The following DYNC1I1 variants were observed in gnomAD, a reference collection of about 807,000 sequenced individuals.
DYNC1I1 encodes the protein cytoplasmic dynein 1 intermediate chain 1.
Under a neutral mutation model 86.6 loss-of-function variants are expected in DYNC1I1, and 43 were observed. The observed-to-expected ratio is 0.50, with a 90% CI of 0.39 to 0.64. The LOEUF is 0.64. Ranked by LOEUF, DYNC1I1 falls within the 30% of genes least tolerant of loss-of-function variation. The pLI is 0.00. For synonymous variants in DYNC1I1, 262 were observed against 283.7 expected (o/e 0.92, Z 0.77); for missense variants, 604 against 788.8 (o/e 0.77, Z 2.81).
intron 14 of DYNC1I1, among the ~76,000 whole-genome samples, chr7:96,067,870 A>G (rs1238783407): frequency 6.6e-6 from 1 of 152,162 alleles, no homozygotes; most frequent in African/African-American, 2.4e-5. Flanking sequence ...AATGTTGCAG[A>G]GAGAGCATAC....
chr7:95,780,950 T>C (rs1313603983), intron 1 of DYNC1I1, among the ~76,000 whole-genome samples: 1 of 151,974 alleles, frequency 6.6e-6, no homozygotes, highest in African/African-American at 2.4e-5. Flanking sequence ...AGTATCAATA[T>C]AGCAAGAGGT....
intron 6 of DYNC1I1, among the ~76,000 whole-genome samples, chr7:95,936,990 A>ACACACACACACACACACAC (rs1562949165): frequency 4.0e-5 from 6 of 151,750 alleles, no homozygotes; most frequent in Admixed American, 6.6e-5. Context: ...ACACACACAC[A>ACACACACACACACACACAC]AATACTATTC....
At chr7:95,805,662 A>G (rs1390268361) in intron 2 of DYNC1I1, among the ~76,000 whole-genome samples, 2 of 152,172 alleles carry the variant, frequency 1.3e-5, no homozygotes, top group Non-Finnish European at 2.9e-5. Context: ...TTTATTTTTA[A>G]TTCTCTAATT....
chr7:95,993,797 A>T (rs914321422), intron 9 of DYNC1I1, among the ~76,000 whole-genome samples: 15 of 152,226 alleles, frequency 9.9e-5, no homozygotes, highest in Admixed American at 5.2e-4. Flanking sequence ...TCTGTGTTCA[A>T]ATTCATAAAG....
At chr7:95,859,699 T>C (rs888482083) in intron 5 of DYNC1I1, among the ~76,000 whole-genome samples, 3 of 152,226 alleles carry the variant, frequency 2.0e-5, no homozygotes, top group Non-Finnish European at 4.4e-5. Flanking sequence ...GTCTGCATGA[T>C]AGTGGTGTGA....
chr7:96,031,386 A>G (rs972958101), intron 11 of DYNC1I1, among the ~76,000 whole-genome samples: 28 of 152,112 alleles, frequency 1.8e-4, no homozygotes, highest in Admixed American at 1.8e-3. Context: ...AATATTCAAA[A>G]AGCTGTACTG....
intron 14 of DYNC1I1, among the ~76,000 whole-genome samples, chr7:96,048,384 A>G (rs1789284629): frequency 6.6e-6 from 1 of 152,180 alleles, no homozygotes; most frequent in Non-Finnish European, 1.5e-5. Flanking sequence ...TGGGAGATGC[A>G]CCACTTCTTT....
At chr7:95,792,228 C>T (rs1476825570) in intron 1 of DYNC1I1, among the ~76,000 whole-genome samples, 1 of 152,132 alleles carries the variant, frequency 6.6e-6, no homozygotes, top group African/African-American at 2.4e-5. Context: ...GAACTACGTG[C>T]AGGGTACTCT....
intron 6 of DYNC1I1, among the ~76,000 whole-genome samples, chr7:95,912,582 T>C (rs1791366380): frequency 6.6e-6 from 1 of 152,216 alleles, no homozygotes; most frequent in Admixed American, 6.5e-5. Flanking sequence ...GTGCAGGTTC[T>C]CCTGCCAGAA....
At chr7:95,964,974 A>G (rs1017537349) in intron 6 of DYNC1I1, among the ~76,000 whole-genome samples, 6 of 152,190 alleles carry the variant, frequency 3.9e-5, no homozygotes, top group Admixed American at 3.9e-4. Context: ...AGAGTCAGCA[A>G]ACCAAAGAGT....
At chr7:96,009,955 T>A (rs1794234455) in intron 10 of DYNC1I1, among the ~76,000 whole-genome samples, 1 of 152,018 alleles carries the variant, frequency 6.6e-6, no homozygotes, top group African/African-American at 2.4e-5. Context: ...AATTTTGTAT[T>A]TTTAGTAAAG....
At chr7:96,076,267 C>T in intron 15 of DYNC1I1, 70 bp downstream of exon 15, 2 of 1,569,186 alleles carry the variant, frequency 1.3e-6, no homozygotes, top group Middle Eastern at 1.7e-4. Flanking sequence ...CGCAGTCTCT[C>T]CCTCTTTCTC....
At chr7:96,026,640 A>G (rs1794690324) in intron 10 of DYNC1I1, among the ~76,000 whole-genome samples, 1 of 152,106 alleles carries the variant, frequency 6.6e-6, no homozygotes, top group Non-Finnish European at 1.5e-5. Flanking sequence ...TTCCCAACCA[A>G]AAAAGACTAT....
chr7:95,861,773 G>A (rs1388678444), intron 5 of DYNC1I1, among the ~76,000 whole-genome samples: 3 of 152,226 alleles, frequency 2.0e-5, no homozygotes, highest in Non-Finnish European at 4.4e-5. Context: ...AGTGGTGGAA[G>A]TCATGCGAAG....
At chr7:96,077,464 AT>A (rs918359917) in intron 15 of DYNC1I1, among the ~76,000 whole-genome samples, 8 of 152,206 alleles carry the variant, frequency 5.3e-5, no homozygotes, top group Non-Finnish European at 8.8e-5. Context: ...TTTGAAAATA[AT>A]CAAAAGGCAT....
At chr7:95,957,819 G>A (rs1792758511) in intron 6 of DYNC1I1, among the ~76,000 whole-genome samples, 1 of 152,082 alleles carries the variant, frequency 6.6e-6, no homozygotes, top group African/African-American at 2.4e-5. Context: ...CAGGATCACA[G>A]AACTTGTCCT....
At chr7:95,861,561 C>G (rs558905503) in intron 5 of DYNC1I1, among the ~76,000 whole-genome samples, 7 of 152,292 alleles carry the variant, frequency 4.6e-5, no homozygotes, top group African/African-American at 1.7e-4. Context: ...AGCCAGTTCT[C>G]CAGTGCTGTC....
chr7:95,879,991 T>G (rs950525985), intron 6 of DYNC1I1, among the ~76,000 whole-genome samples: 3 of 152,212 alleles, frequency 2.0e-5, no homozygotes, highest in African/African-American at 7.2e-5. Flanking sequence ...TAGGAGCTGT[T>G]CCAAGGTCTA....
intron 10 of DYNC1I1, among the ~76,000 whole-genome samples, chr7:96,018,218 G>A (rs1794448145): frequency 6.6e-6 from 1 of 152,198 alleles, no homozygotes; most frequent in Non-Finnish European, 1.5e-5. Flanking sequence ...CAGAGGTGAG[G>A]AAGTAAGAAA....
Sources: allele counts gnomAD v4.1 joint callset (sites outside exome capture counted in the v4.1 genomes callset), GRCh38; gene constraint gnomAD v4.1.1; transcripts MANE v1.5; gene names NCBI Gene and HGNC (gene_info 2026-07-23, HGNC 2026-07-21).